The following APCDD1L variants were observed in gnomAD, a reference collection of about 807,000 sequenced individuals.
APCDD1L encodes the protein protein APCDD1-like.
A neutral mutation model predicts 24.2 loss-of-function variants in APCDD1L; 21 were observed. The ratio of observed to expected loss-of-function variants is 0.87; its 90% CI spans 0.61 to 1.25. The LOEUF (loss-of-function observed/expected upper bound fraction) is 1.25, where lower values mean the gene tolerates loss of function less well. Ranked by LOEUF, APCDD1L falls within the 50% of genes most tolerant of loss-of-function variation. The pLI is 0.00. For missense variants in APCDD1L, 704 were observed against 711.7 expected (o/e 0.99, Z 0.12); for synonymous variants, 321 against 323.6 (o/e 0.99, Z 0.09).
chr20:58,489,335 G>A (rs1032547881), intron 1 of APCDD1L, among the ~76,000 whole-genome samples: 6 of 152,006 alleles, frequency 3.9e-5, no homozygotes, highest in African/African-American at 9.7e-5. Flanking sequence ...CCAGGAGTTC[G>A]AGACTCCAGC....
intron 1 of APCDD1L, among the ~76,000 whole-genome samples, chr20:58,489,366 C>T (rs1346681959): frequency 3.3e-5 from 5 of 150,138 alleles, no homozygotes; most frequent in Non-Finnish European, 7.4e-5. Flanking sequence ...TGGAGAAAAC[C>T]CATCTCTACA....
At chr20:58,486,229 A>G (rs186001136) in intron 1 of APCDD1L, among the ~76,000 whole-genome samples, 2 of 152,350 alleles carry the variant, frequency 1.3e-5, no homozygotes, top group East Asian at 3.9e-4. Flanking sequence ...GAATTTAAAA[A>G]TTGAGCAAAC....
intron 3 of APCDD1L, among the ~76,000 whole-genome samples, chr20:58,463,830 C>T (rs112539729): frequency 3.0e-5 from 4 of 133,390 alleles, no homozygotes; most frequent in East Asian, 2.3e-4. Context: ...TCATGCCAGA[C>T]GAGTGGCACT....
Position 58,461,055 on chromosome 20 carries a change from A to C in APCDD1L, c.1241T>G (p.Phe414Cys). The C allele has an allele frequency of 6.2e-7, 1 of 1,614,048 alleles. No homozygotes were observed. Residue 414 changes from phenylalanine (F) to cysteine (C), a missense_variant, in exon 4 of 4, where the codon TTC becomes TGC. Coordinates refer to ENST00000371149, the MANE Select transcript of APCDD1L (RefSeq NM_153360.3). The surrounding 1 kb of genome is among the most constrained non-coding windows in gnomAD (Gnocchi z 6.0). ...CCCGAGGGGGTCTTGTTCCATCTTG[A>C]AAAGCTCGTACTCCACATGCGGGAG... ...IRLPHVEYEL[F>C]KMEQDPLGQS... is the part of the protein sequence containing the mutation.
intron 1 of APCDD1L, among the ~76,000 whole-genome samples, chr20:58,503,267 T>C (rs755521478): frequency 5.3e-5 from 8 of 152,210 alleles, no homozygotes; most frequent in Non-Finnish European, 8.8e-5. Flanking sequence ...CAAATCCAAA[T>C]GCTGATCATC....
At position 58,514,889 on chromosome 20, in the gene APCDD1L, G is replaced by T; in HGVS notation, c.-182C>A. On this transcript the variant is annotated 5_prime_UTR_variant, in exon 1 of 4. Transcript: ENST00000371149. ...CGCTCAGCCTTCCCGGCTGTTGATA[G>T]TTGTAAGCGGAGCTGCGCACTCATA... is the stretch of plus-strand genomic sequence containing the variant. 1 of 417,282 alleles carries T rather than the reference G, an allele frequency of 2.4e-6. No individual in the cohort carries two copies. Among genetic ancestry groups the T allele is most frequent in the Admixed American group, 4.6e-5 (1 of 21,750 alleles). The allele number at this position is 417,282 out of a possible 1,614,324, so 25.8% of individuals were successfully genotyped here. A position where few individuals can be genotyped will look rare whatever the true frequency, so the allele number is the denominator to read the frequency against.
At chr20:58,496,464 G>C (rs566276606) in intron 1 of APCDD1L, among the ~76,000 whole-genome samples, 1 of 152,386 alleles carries the variant, frequency 6.6e-6, no homozygotes, top group Admixed American at 6.5e-5. Flanking sequence ...GACAAATACT[G>C]ACTCAGTGCT....
chr20:58,486,861 T>TTTTTTTG, intron 1 of APCDD1L, among the ~76,000 whole-genome samples: 2 of 128,536 alleles, frequency 1.6e-5, no homozygotes, highest in African/African-American at 6.0e-5. Flanking sequence ...AAGGTTTTTT[T>TTTTTTTG]TTTTTTTTTT....
rs115991009 is a variant in APCDD1L, at chr20:58,469,610, C to T, written c.188+999G>A. Among the ~76,000 whole-genome samples, 381 of 152,338 alleles carry T rather than the reference C, an allele frequency of 2.5e-3. 3 individuals are homozygous for T. The highest frequency in any genetic ancestry group is 8.9e-3 in the African/African-American group (372 of 41,586). ...TGTACCCCAGTTCTGTCTGGGTGAC[C>T]CTGGTGAGTGGATGCCTGGATCTCC... On this transcript the variant is annotated intron_variant, in intron 2 of 3. Coordinates refer to ENST00000371149, the MANE Select transcript of APCDD1L (RefSeq NM_153360.3).
chr20:58,501,018 C>T (rs1990426042), intron 1 of APCDD1L, among the ~76,000 whole-genome samples: 2 of 152,148 alleles, frequency 1.3e-5, no homozygotes, highest in Admixed American at 1.3e-4. Flanking sequence ...GTGACATGCC[C>T]ACTTTAAAGA....
chr20:58,475,675 G>A (rs1989894549), intron 1 of APCDD1L, among the ~76,000 whole-genome samples: 1 of 152,084 alleles, frequency 6.6e-6, no homozygotes, highest in African/African-American at 2.4e-5. Context: ...TCTCAGGGCT[G>A]CCACGACAAA....
chr20:58,466,507 GTGC>G (rs1182674785), intron 3 of APCDD1L, among the ~76,000 whole-genome samples: 2 of 152,248 alleles, frequency 1.3e-5, no homozygotes, highest in Non-Finnish European at 2.9e-5. Flanking sequence ...CTGGGCTGGT[GTGC>G]GCGGCCCCAG....
chr20:58,515,081 G>T lies in APCDD1L; in HGVS notation c.-374C>A. The T allele has an allele frequency of 4.8e-6, 1 of 206,668 alleles. No individual in the cohort carries two copies. 12.8% of individuals were successfully genotyped at this position (206,668 alleles called of 1,614,324 possible). ...CCAAAGTCTTCGCAGTGGGCAAGGA[G>T]GCCTCCCCCAAGCTCTGGTCCCGGC... On this transcript the variant is annotated 5_prime_UTR_variant, in exon 1 of 4. Coordinates refer to ENST00000371149, the MANE Select transcript of APCDD1L (RefSeq NM_153360.3).
chr20:58,467,651 C>G lies in APCDD1L; in HGVS notation c.196G>C (p.Val66Leu), dbSNP rs764099828. Reference sequence around the variant, plus strand: ...GTCAGGAACTCCGGTCCTGGGCGCACCTCGCAGCTGCAGGGGTGGAAGGAG... The same window carrying G: ...GTCAGGAACTCCGGTCCTGGGCGCAGCTCGCAGCTGCAGGGGTGGAAGGAG... Reference protein sequence around the residue: ...NGPWISTGCEVRPGPEFLTRA... With the variant: ...NGPWISTGCELRPGPEFLTRA... Residue 66 changes from valine to leucine, a missense_variant, in exon 3 of 4, where the codon GTG becomes CTG. Val to Leu is a conservative substitution (Grantham distance 32). Coordinates refer to ENST00000371149, the MANE Select transcript of APCDD1L (RefSeq NM_153360.3). This position sits in a 1 kb window ranked among gnomAD's most constrained non-coding sequence, Gnocchi z 5.9. 4 of 1,495,074 alleles carry G rather than the reference C, an allele frequency of 2.7e-6. No homozygotes were observed. The highest frequency in any genetic ancestry group is 3.6e-6 in the Non-Finnish European group (4 of 1,118,068). The allele number at this position is 1,495,074 out of a possible 1,614,324, so 92.6% of individuals were successfully genotyped here.
At chr20:58,499,425 T>A (rs996782473) in intron 1 of APCDD1L, among the ~76,000 whole-genome samples, 1 of 152,200 alleles carries the variant, frequency 6.6e-6, no homozygotes, top group Admixed American at 6.5e-5. Context: ...TGGCGACACC[T>A]GTCTAGGAGG....
At chr20:58,485,013 A>G (rs560076314) in intron 1 of APCDD1L, among the ~76,000 whole-genome samples, 5 of 150,148 alleles carry the variant, frequency 3.3e-5, no homozygotes, top group African/African-American at 1.2e-4. Flanking sequence ...TGCTTTTTAC[A>G]CTTAAATTGT....
In APCDD1L at chr20:58,503,189, C is replaced by T. The variant is rs377444223; in HGVS notation, c.49+11470G>A. ...ATCTTCTCAGAGATTTTGATGGTTA[C>T]CTTGAAGTGATTTCCTGCGAGAGGC... On this transcript the variant is annotated intron_variant, in intron 1 of 3. Transcript: ENST00000371149. Among the ~76,000 whole-genome samples the T allele has an allele frequency of 1.1e-4, 16 of 152,274 alleles. 2 individuals carry two copies. Among genetic ancestry groups the T allele is most frequent in the African/African-American group, 3.9e-4 (16 of 41,546 alleles).
At chr20:58,477,206 G>A (rs781309603) in intron 1 of APCDD1L, among the ~76,000 whole-genome samples, 31 of 152,192 alleles carry the variant, frequency 2.0e-4, no homozygotes, top group African/African-American at 2.4e-5. Context: ...TGTTCTTAAC[G>A]AGTCTACAGA....
chr20:58,465,294 C>T (rs1037085137), intron 3 of APCDD1L, among the ~76,000 whole-genome samples: 2 of 152,096 alleles, frequency 1.3e-5, no homozygotes, highest in Admixed American at 6.5e-5. Context: ...AACTTCGTGT[C>T]GTGCTCCTCC....
Sources: gnomAD v4.1 joint callset for allele counts (sites outside exome capture counted in the v4.1 genomes callset) on GRCh38, gnomAD v4.1.1 for gene constraint, Gnocchi (gnomAD v3.1) non-coding constraint, MANE v1.5 for transcripts, NCBI Gene and HGNC (gene_info 2026-07-23, HGNC 2026-07-21) for gene names.